The following SCAMP5 variants were observed in gnomAD, a reference collection of about 807,000 sequenced individuals.
SCAMP5 encodes secretory carrier membrane protein 5.
SCAMP5 carries 7 observed loss-of-function variants against 28.3 expected under a neutral mutation model. The ratio of observed to expected loss-of-function variants is 0.25; its 90% CI spans 0.14 to 0.46. The LOEUF (loss-of-function observed/expected upper bound fraction) is 0.46. Among genes scored for constraint, SCAMP5 ranks in the 20% least tolerant of loss-of-function variants. The probability of loss-of-function intolerance (pLI) is 0.99; values close to 1 mark genes in which losing one functional copy is unlikely to be tolerated. For synonymous variants in SCAMP5, 117 were observed against 116.4 expected (o/e 1.00, Z -0.03); for missense variants, 192 against 312.5 (o/e 0.61, Z 2.91).
chr15:75,016,844 T>TA (rs1301884207), intron 4 of SCAMP5, 95 bp downstream of exon 4: 10 of 985,222 alleles, frequency 1.0e-5, no homozygotes, highest in Admixed American at 2.7e-5. Context: ...TTTTTTTTTT[T>TA]ACCCTCCCCC....
rs950761975 is a variant in SCAMP5 at position 75,019,633 on chromosome 15, C to G, written c.*650C>G. The G allele has an allele frequency of 1.3e-5, 2 of 152,890 alleles. No homozygotes were observed. Among genetic ancestry groups the G allele is most frequent in the Admixed American group, 6.5e-5 (1 of 15,284 alleles). 9.5% of individuals were successfully genotyped at this position (152,890 alleles called of 1,614,324 possible). A position where few individuals can be genotyped will look rare whatever the true frequency, so the allele number is the denominator to read the frequency against. ...TCCCTTGCCCATGGTCTGTCTATCTCTTTCCTATGTGGCTTTTCTTTGTCT... is the reference window on the plus strand; with the variant it reads ...TCCCTTGCCCATGGTCTGTCTATCTGTTTCCTATGTGGCTTTTCTTTGTCT... On this transcript the variant is annotated 3_prime_UTR_variant, in exon 7 of 7. Coordinates refer to ENST00000425597, the MANE Select transcript of SCAMP5 (RefSeq NM_138967.4).
chr15:74,996,840 T>G lies in SCAMP5; in HGVS notation c.-49+1167T>G, dbSNP rs959718784. On this transcript the variant is annotated intron_variant, in intron 1 of 6. Transcript: ENST00000425597. This position sits in a 1 kb window ranked among gnomAD's most constrained non-coding sequence, Gnocchi z 4.1. ...TAACTTAGGTTTGTTCTGGGCTTGG[T>G]GAGCCTTAGGGCAAAGTCTCTAGAG... Among the ~76,000 whole-genome samples, 2 of 152,154 alleles carry G rather than the reference T, an allele frequency of 1.3e-5. No individual in the cohort carries two copies. Among genetic ancestry groups the G allele is most frequent in the African/African-American group, 4.8e-5 (2 of 41,420 alleles).
At chr15:75,012,421 C>T (rs1595886979) in intron 2 of SCAMP5, among the ~76,000 whole-genome samples, 1 of 152,366 alleles carries the variant, frequency 6.6e-6, no homozygotes, top group South Asian at 2.1e-4. Context: ...GACAGTGTCA[C>T]TCAGAATTAA....
intron 3 of SCAMP5, among the ~76,000 whole-genome samples, chr15:75,013,444 A>G (rs2065831816): frequency 6.6e-6 from 1 of 152,138 alleles, no homozygotes; most frequent in Non-Finnish European, 1.5e-5. Context: ...CACACCTGTG[A>G]TCCCGGCACT....
intron 3 of SCAMP5, among the ~76,000 whole-genome samples, chr15:75,016,384 T>C (rs1194445846): frequency 6.6e-6 from 1 of 152,184 alleles, no homozygotes; most frequent in Admixed American, 6.5e-5. Context: ...TCTGTATGTA[T>C]TTGTTGGTAC....
In SCAMP5 at chr15:75,018,695, C is replaced by A. The variant is rs2289583; in HGVS notation, c.514-94C>A. 270,516 of 1,041,570 alleles carry A rather than the reference C, an allele frequency of 0.26. 38,700 individuals carry two copies. Among genetic ancestry groups the A allele is most frequent in the Non-Finnish European group, 0.28 (191,195 of 677,096 alleles). The allele number at this position is 1,041,570 out of a possible 1,614,324, so 64.5% of individuals were successfully genotyped here. The stretch of plus-strand genomic sequence containing the variant: ...TACAGAGGCATTCATGGGGAGGGAG[C>A]ACTGTTTTTTTTTTACAGATGGGTC... On this transcript the variant is annotated intron_variant, in intron 6 of 6. Transcript: ENST00000425597. This position sits in a 1 kb window ranked among gnomAD's most constrained non-coding sequence, Gnocchi z 5.6.
At chr15:75,008,291 C>T (rs946448817) in intron 1 of SCAMP5, among the ~76,000 whole-genome samples, 1 of 151,962 alleles carries the variant, frequency 6.6e-6, no homozygotes, top group Non-Finnish European at 1.5e-5. Flanking sequence ...CGTAGCCCTT[C>T]CGTTATGTAG....
chr15:75,018,222 G>C lies in SCAMP5; in HGVS notation c.396-196G>C, dbSNP rs1005411260. Among the ~76,000 whole-genome samples, 5 of 152,122 alleles carry C rather than the reference G, an allele frequency of 3.3e-5. No homozygotes were observed. The highest frequency in any genetic ancestry group is 7.2e-5 in the African/African-American group (3 of 41,412). ...CCTGGGGGAAGAAAGTGTTGTATCTGAAGAGCACCTCTGAGCCACAGGGAT... is the reference window on the plus strand; with the variant it reads ...CCTGGGGGAAGAAAGTGTTGTATCTCAAGAGCACCTCTGAGCCACAGGGAT... On this transcript the variant is annotated intron_variant, in intron 5 of 6. Coordinates refer to ENST00000425597, the MANE Select transcript of SCAMP5 (RefSeq NM_138967.4). This position sits in a 1 kb window ranked among gnomAD's most constrained non-coding sequence, Gnocchi z 5.6.
chr15:75,006,451 A>G (rs2065760405), intron 1 of SCAMP5, among the ~76,000 whole-genome samples: 1 of 149,904 alleles, frequency 6.7e-6, no homozygotes, highest in South Asian at 2.1e-4. Context: ...CCAGGAGTTC[A>G]AGACTAGCCT....
At chr15:75,004,722 G>A (rs1450610569) in intron 1 of SCAMP5, among the ~76,000 whole-genome samples, 1 of 149,800 alleles carries the variant, frequency 6.7e-6, no homozygotes, top group Non-Finnish European at 1.5e-5. Context: ...GACAGAGTGA[G>A]ACCCTGTCTC....
chr15:75,015,756 T>A (rs2065853537), intron 3 of SCAMP5, among the ~76,000 whole-genome samples: 1 of 151,850 alleles, frequency 6.6e-6, no homozygotes, highest in East Asian at 1.9e-4. Flanking sequence ...CGAAAAACCA[T>A]CTCTGCTAAA....
intron 1 of SCAMP5, among the ~76,000 whole-genome samples, chr15:75,007,989 T>C (rs2065776576): frequency 6.6e-6 from 1 of 152,152 alleles, no homozygotes; most frequent in South Asian, 2.1e-4. Context: ...CATGAACCAC[T>C]GCACCCGGCC....
rs554135646 is a variant in SCAMP5, at chr15:75,019,234, G to A, written c.*251G>A. The stretch of plus-strand genomic sequence containing the variant: ...GTCCCGTGCGGTAGTAGCTGTGTCT[G>A]TGTCCCCTCGTGAAATAGTGTGCAG... On this transcript the variant is annotated 3_prime_UTR_variant, in exon 7 of 7. Coordinates refer to ENST00000425597, the MANE Select transcript of SCAMP5 (RefSeq NM_138967.4). 107 of 289,074 alleles carry A rather than the reference G, an allele frequency of 3.7e-4. 2 individuals are homozygous for A. In the South Asian group the frequency reaches 7.9e-3, roughly 21 times the overall value. The allele number at this position is 289,074 out of a possible 1,614,324, so 17.9% of individuals were successfully genotyped here.
Position 74,996,608 on chromosome 15 carries a change from G to T in SCAMP5, c.-49+935G>T, listed in dbSNP as rs1272909957. On this transcript the variant is annotated intron_variant, in intron 1 of 6. Transcript: ENST00000425597. The surrounding 1 kb of genome is among the most constrained non-coding windows in gnomAD (Gnocchi z 4.1). ...ATTCCAGGAGAATGTATGGGCAAAG[G>T]CACAGGGATGAAAACGAGCACAGCT... 6.6e-6 allele frequency among the ~76,000 whole-genome samples: 1 copy of T among 152,182 alleles called. No individual in the cohort carries two copies. The highest frequency in any genetic ancestry group is 1.5e-5 in the Non-Finnish European group (1 of 68,032).
intron 2 of SCAMP5, 75 bp from the exon 3 acceptor site, chr15:75,012,602 C>T (rs929228678): frequency 1.6e-5 from 25 of 1,575,726 alleles, no homozygotes; most frequent in Non-Finnish European, 2.0e-5. Flanking sequence ...GCAGCACAGC[C>T]AGGGGAAGGA....
chr15:75,002,816 C>A (rs992396987), intron 1 of SCAMP5, among the ~76,000 whole-genome samples: 4 of 151,694 alleles, frequency 2.6e-5, no homozygotes, highest in Non-Finnish European at 5.9e-5. Context: ...ATTTACAGTT[C>A]ACAAAGATGT....
chr15:75,006,939 C>T (rs538943842), intron 1 of SCAMP5, among the ~76,000 whole-genome samples: 61 of 152,160 alleles, frequency 4.0e-4, no homozygotes, highest in African/African-American at 1.3e-3. Flanking sequence ...GCGACTCTGT[C>T]TCAAGAAAAA....
At chr15:75,000,491 TCTC>T (rs1252002560) in intron 1 of SCAMP5, among the ~76,000 whole-genome samples, 32 of 151,814 alleles carry the variant, frequency 2.1e-4, no homozygotes, top group African/African-American at 6.3e-4. Flanking sequence ...TTCATGCCAT[TCTC>T]CTGCCTCAGC....
intron 3 of SCAMP5, among the ~76,000 whole-genome samples, chr15:75,013,660 C>T (rs936443577): frequency 1.3e-5 from 2 of 152,024 alleles, no homozygotes; most frequent in African/African-American, 4.8e-5. Context: ...CATAGCAATA[C>T]CCCATCTCTT....
Sources: gnomAD v4.1 joint callset for allele counts (sites outside exome capture counted in the v4.1 genomes callset) on GRCh38, gnomAD v4.1.1 for gene constraint, Gnocchi (gnomAD v3.1) non-coding constraint, MANE v1.5 for transcripts, NCBI Gene and HGNC (gene_info 2026-07-23, HGNC 2026-07-21) for gene names.